MAGI2: variants seen among roughly 807,000 people sequenced by gnomAD.
MAGI2 encodes the protein membrane-associated guanylate kinase, WW and PDZ domain-containing protein 2.
MAGI2 carries 35 observed loss-of-function variants against 133.3 expected under a neutral mutation model. The ratio of observed to expected loss-of-function variants is 0.26; its 90% CI spans 0.20 to 0.35. The LOEUF is 0.35. Ranked by LOEUF, MAGI2 falls within the 10% of genes least tolerant of loss-of-function variation. The pLI is 1.00. For missense variants in MAGI2, 1,636 were observed against 1,863.4 expected (o/e 0.88, Z 2.25); for synonymous variants, 729 against 710.6 (o/e 1.03, Z -0.41).
intron 17 of MAGI2, chr7:78,134,806 A>G: frequency 2.0e-6 from 1 of 499,954 alleles, no homozygotes; most frequent in South Asian, 3.0e-5. Context: ...ACATAGCTTG[A>G]CCTCTGAATG....
At position 79,162,785 on chromosome 7, in the gene MAGI2, T is replaced by C. The variant is rs562179062; in HGVS notation, c.302-155579A>G. 3.3e-5 allele frequency among the ~76,000 whole-genome samples: 5 copies of C among 152,252 alleles called. No homozygotes were observed. In the South Asian group the frequency reaches 6.2e-4, roughly 19 times the overall value. On this transcript the variant is annotated intron_variant, in intron 1 of 21. Coordinates refer to ENST00000354212, the MANE Select transcript of MAGI2 (RefSeq NM_012301.4). ...TGCAGAACAATGCTTATGTTTTCTA[T>C]AGCTAATTGCTGTAAGCCTGTAACA...
intron 2 of MAGI2, among the ~76,000 whole-genome samples, chr7:78,628,221 C>T (rs1042052215): frequency 8.5e-5 from 13 of 152,140 alleles, no homozygotes; most frequent in African/African-American, 3.1e-4. Context: ...AAGCTTCTTC[C>T]TTTTTCTATG....
At chr7:78,869,932 T>C (rs1464501683) in intron 2 of MAGI2, among the ~76,000 whole-genome samples, 2 of 152,196 alleles carry the variant, frequency 1.3e-5, no homozygotes, top group Non-Finnish European at 2.9e-5. Context: ...GGGCTCTCTA[T>C]TCTGCTTCAT....
At chr7:79,337,273 G>A (rs1053129229) in intron 1 of MAGI2, among the ~76,000 whole-genome samples, 6 of 152,140 alleles carry the variant, frequency 3.9e-5, no homozygotes, top group African/African-American at 1.4e-4. Context: ...AAAGGTGTGT[G>A]AAATTGAGCA....
intron 1 of MAGI2, among the ~76,000 whole-genome samples, chr7:79,078,462 G>T (rs1815746273): frequency 6.6e-6 from 1 of 152,080 alleles, no homozygotes; most frequent in Admixed American, 6.6e-5. Flanking sequence ...ATCTACCAAA[G>T]GTATATTTAC....
At chr7:78,974,861 C>G (rs1804102963) in intron 2 of MAGI2, among the ~76,000 whole-genome samples, 1 of 151,696 alleles carries the variant, frequency 6.6e-6, no homozygotes, top group African/African-American at 2.4e-5. Flanking sequence ...AAGTAGTTAA[C>G]AATTATCGAA....
chr7:79,193,317 T>C (rs1827824493), intron 1 of MAGI2, among the ~76,000 whole-genome samples: 1 of 152,030 alleles, frequency 6.6e-6, no homozygotes, highest in South Asian at 2.1e-4. Context: ...ACCCATAGTT[T>C]CTTTTCCTTT....
At chr7:78,844,834 C>CAA (rs149994891) in intron 2 of MAGI2, among the ~76,000 whole-genome samples, 3 of 151,236 alleles carry the variant, frequency 2.0e-5, no homozygotes, top group African/African-American at 4.9e-5. Context: ...TAAAAATAAA[C>CAA]AAAAAAAATC....
chr7:78,847,969 C>G (rs1039987495), intron 2 of MAGI2, among the ~76,000 whole-genome samples: 6 of 151,866 alleles, frequency 4.0e-5, no homozygotes, highest in African/African-American at 1.5e-4. Flanking sequence ...AACTTACCAG[C>G]AAAATGAACA....
At chr7:79,226,170 T>C (rs1450285422) in intron 1 of MAGI2, among the ~76,000 whole-genome samples, 1 of 152,208 alleles carries the variant, frequency 6.6e-6, no homozygotes, top group South Asian at 2.1e-4. Context: ...TTATATTTAC[T>C]CTCTGGTAAA....
chr7:78,334,731 T>C (rs1789576138), intron 9 of MAGI2, among the ~76,000 whole-genome samples: 1 of 152,222 alleles, frequency 6.6e-6, no homozygotes, highest in East Asian at 1.9e-4. Flanking sequence ...ACGGGGCATA[T>C]GATGCGGATT....
intron 2 of MAGI2, among the ~76,000 whole-genome samples, chr7:78,862,469 G>A (rs1794227827): frequency 2.0e-5 from 3 of 152,204 alleles, no homozygotes; most frequent in Admixed American, 6.5e-5. Context: ...CTTGTGACTA[G>A]TAAATTATGG....
At chr7:78,994,067 C>A (rs1012880510) in intron 2 of MAGI2, among the ~76,000 whole-genome samples, 3 of 152,010 alleles carry the variant, frequency 2.0e-5, no homozygotes, top group Non-Finnish European at 4.4e-5. Context: ...AGGGATCCAG[C>A]TTGTAAGTTT....
At chr7:79,121,973 T>C (rs1441778832) in intron 1 of MAGI2, among the ~76,000 whole-genome samples, 1 of 152,180 alleles carries the variant, frequency 6.6e-6, no homozygotes, top group African/African-American at 2.4e-5. Context: ...CTTTCAAAAG[T>C]TGGTATTCAG....
chr7:79,310,196 G>GAAAAAAAAAAA, intron 1 of MAGI2, among the ~76,000 whole-genome samples: 1 of 40,118 alleles, frequency 2.5e-5, no homozygotes, highest in African/African-American at 1.1e-4. Flanking sequence ...AAAAAAAAAA[G>GAAAAAAAAAAA]AGAGAGAGAG....
intron 14 of MAGI2, among the ~76,000 whole-genome samples, chr7:78,177,614 C>G (rs1296591131): frequency 1.3e-5 from 2 of 152,138 alleles, no homozygotes; most frequent in Non-Finnish European, 2.9e-5. Flanking sequence ...TTCTGTTTAT[C>G]CCTGTGTTTT....
At chr7:78,299,753 C>G (rs1797667599) in intron 9 of MAGI2, among the ~76,000 whole-genome samples, 2 of 152,050 alleles carry the variant, frequency 1.3e-5, no homozygotes, top group South Asian at 4.1e-4. Context: ...CCTCTCCCTC[C>G]TCTCAACCCC....
At chr7:79,098,390 C>T (rs944112930) in intron 1 of MAGI2, among the ~76,000 whole-genome samples, 4 of 152,150 alleles carry the variant, frequency 2.6e-5, no homozygotes, top group Non-Finnish European at 2.9e-5. Flanking sequence ...TCTCATAGTC[C>T]TAACTGGTAC....
intron 9 of MAGI2, among the ~76,000 whole-genome samples, chr7:78,293,849 A>C (rs1203982819): frequency 1.3e-5 from 2 of 152,130 alleles, no homozygotes; most frequent in Non-Finnish European, 2.9e-5. Context: ...AAAATCAAAC[A>C]CTGCATGTTC....
Sources: allele counts gnomAD v4.1 joint callset (sites outside exome capture counted in the v4.1 genomes callset), GRCh38; gene constraint gnomAD v4.1.1; transcripts MANE v1.5; gene names NCBI Gene and HGNC (gene_info 2026-07-23, HGNC 2026-07-21).